The following GRIA4 variants were observed in gnomAD, a reference collection of about 807,000 sequenced individuals.
GRIA4 encodes the protein glutamate receptor 4.
Under a neutral mutation model 104.0 loss-of-function variants are expected in GRIA4, and 34 were observed. The observed-to-expected ratio is 0.33, with a 90% confidence interval of 0.25 to 0.44. The LOEUF (loss-of-function observed/expected upper bound fraction) is 0.44. GRIA4 is among the 20% of genes least tolerant of loss of function. GRIA4 has a pLI of 1.00. For missense variants in GRIA4, 750 were observed against 1,096.5 expected, an observed-to-expected ratio of 0.68 and a Z score of 4.46; for synonymous variants, 386 against 381.9, an observed-to-expected ratio of 1.01 and a Z score of -0.13.
intron 4 of GRIA4, among the ~76,000 whole-genome samples, chr11:105,805,462 G>A (rs1202256595): frequency 8.0e-6 from 1 of 125,434 alleles, no homozygotes; most frequent in African/African-American, 3.8e-5. Flanking sequence ...AGACCAAGTG[G>A]AGAGCAAGAA....
At chr11:105,912,359 T>C in intron 10 of GRIA4, 2 of 973,434 alleles carry the variant, frequency 2.1e-6, no homozygotes, top group African/African-American at 1.8e-5. Context: ...GCATTATAGG[T>C]ATGATATAGA....
intron 3 of GRIA4, among the ~76,000 whole-genome samples, chr11:105,746,522 A>G (rs1939669437): frequency 6.6e-6 from 1 of 152,068 alleles, no homozygotes. Context: ...AAATTTCTGC[A>G]CTATCAGGAT....
intron 3 of GRIA4, among the ~76,000 whole-genome samples, chr11:105,750,285 C>T (rs996552464): frequency 6.6e-6 from 1 of 152,066 alleles, no homozygotes; most frequent in African/African-American, 2.4e-5. Flanking sequence ...TCCTCACACA[C>T]ACAAAACCCA....
chr11:105,729,381 A>C (rs1296469870), intron 3 of GRIA4, among the ~76,000 whole-genome samples: 1 of 152,190 alleles, frequency 6.6e-6, no homozygotes, highest in Non-Finnish European at 1.5e-5. Context: ...AAGCCCAAAA[A>C]TGCCCAGGAC....
Position 105,649,975 on chromosome 11 carries a change from T to A in GRIA4, c.247+37541T>A, listed in dbSNP as rs543818761. On this transcript the variant is annotated intron_variant, in intron 3 of 16. Transcript: ENST00000282499. Reference sequence around the variant, plus strand: ...TACAATTTTGAATTATCTAAGAAAATAGCTTTGAGAGAATATGTTAAAACA... The same window carrying A: ...TACAATTTTGAATTATCTAAGAAAAAAGCTTTGAGAGAATATGTTAAAACA... Among the ~76,000 whole-genome samples, 9 of 152,118 alleles carry A rather than the reference T, an allele frequency of 5.9e-5. No individual in the cohort carries two copies. In the East Asian group the frequency reaches 1.4e-3, roughly 23 times the overall value.
chr11:105,954,088 G>C (rs968889244), intron 14 of GRIA4, among the ~76,000 whole-genome samples: 3 of 152,024 alleles, frequency 2.0e-5, no homozygotes, highest in Non-Finnish European at 2.9e-5. Context: ...CTGTCTGATG[G>C]GGTATGTCTG....
chr11:105,863,795 T>A (rs1383812382), intron 5 of GRIA4, among the ~76,000 whole-genome samples: 2 of 152,070 alleles, frequency 1.3e-5, no homozygotes, highest in African/African-American at 2.4e-5. Flanking sequence ...CACCTGTGCT[T>A]AAAAGACCAA....
At chr11:105,669,401 A>G (rs1952288203) in intron 3 of GRIA4, among the ~76,000 whole-genome samples, 2 of 148,748 alleles carry the variant, frequency 1.3e-5, no homozygotes, top group African/African-American at 4.9e-5. Context: ...TATATATATT[A>G]TATCTTTTTG....
At chr11:105,837,285 A>G (rs1304516672) in intron 4 of GRIA4, among the ~76,000 whole-genome samples, 1 of 152,146 alleles carries the variant, frequency 6.6e-6, no homozygotes, top group Non-Finnish European at 1.5e-5. Flanking sequence ...CAGCCAAACC[A>G]TATCACAGTA....
intron 3 of GRIA4, among the ~76,000 whole-genome samples, chr11:105,653,312 A>G (rs1951736710): frequency 6.6e-6 from 1 of 152,066 alleles, no homozygotes; most frequent in Non-Finnish European, 1.5e-5. Context: ...CTACCCTTGC[A>G]CTCTGGGACT....
chr11:105,881,019 T>G (rs968435223), intron 5 of GRIA4, among the ~76,000 whole-genome samples: 1 of 152,150 alleles, frequency 6.6e-6, no homozygotes, highest in African/African-American at 2.4e-5. Context: ...CACAGTTTGT[T>G]TGGGAAGTAA....
chr11:105,974,814 A>G, intron 16 of GRIA4: 1 of 291,728 alleles, frequency 3.4e-6, no homozygotes, highest in Non-Finnish European at 6.5e-6. Context: ...TTTAAACAGT[A>G]TATTCTACCT....
chr11:105,626,272 TAC>T (rs1011188943), intron 3 of GRIA4, among the ~76,000 whole-genome samples: 1 of 151,454 alleles, frequency 6.6e-6, no homozygotes, highest in Non-Finnish European at 1.5e-5. Flanking sequence ...CATACACACA[TAC>T]ACACACACAT....
At chr11:105,707,797 G>A (rs1273404029) in intron 3 of GRIA4, 1 of 152,178 alleles carries the variant, frequency 6.6e-6, no homozygotes, top group African/African-American at 2.4e-5. Context: ...AAAGCTGTAA[G>A]ACTGCTTTAT....
intron 5 of GRIA4, among the ~76,000 whole-genome samples, chr11:105,866,551 G>GTATATACATATATA (rs1945423454): frequency 1.3e-5 from 1 of 76,752 alleles, no homozygotes; most frequent in Admixed American, 1.5e-4. Flanking sequence ...GTGTGTGTGT[G>GTATATACATATATA]TATATATATA....
intron 14 of GRIA4, among the ~76,000 whole-genome samples, chr11:105,935,945 G>A (rs1948023244): frequency 6.6e-6 from 1 of 152,104 alleles, no homozygotes; most frequent in South Asian, 2.1e-4. Flanking sequence ...TTGTTAATGA[G>A]GCAATTGTTA....
intron 7 of GRIA4, among the ~76,000 whole-genome samples, chr11:105,901,128 T>A (rs1029490180): frequency 6.6e-6 from 1 of 152,136 alleles, no homozygotes; most frequent in African/African-American, 2.4e-5. Flanking sequence ...GTAGTCTTCA[T>A]GATTCCTAGC....
intron 7 of GRIA4, 110 bp from the exon 8 acceptor site, chr11:105,903,704 C>A: frequency 1.4e-6 from 1 of 716,760 alleles, no homozygotes; most frequent in East Asian, 2.7e-5. Flanking sequence ...ATTTAACCAT[C>A]CTTCAGACAG....
At chr11:105,690,517 A>T (rs576112457) in intron 3 of GRIA4, among the ~76,000 whole-genome samples, 1 of 152,198 alleles carries the variant, frequency 6.6e-6, no homozygotes, top group East Asian at 1.9e-4. Flanking sequence ...ACTCTTAAAA[A>T]GAGGGGGAGA....
Sources: allele counts gnomAD v4.1 joint callset (sites outside exome capture counted in the v4.1 genomes callset), GRCh38; gene constraint gnomAD v4.1.1; transcripts MANE v1.5; gene names NCBI Gene and HGNC (gene_info 2026-07-23, HGNC 2026-07-21).